SUPV3L1: variants seen among roughly 807,000 people sequenced by gnomAD.
The protein encoded by SUPV3L1 is ATP-dependent RNA helicase SUPV3L1, mitochondrial.
In SUPV3L1, 35 loss-of-function variants were observed where a neutral mutation model predicts 70.0. The ratio of observed to expected loss-of-function variants is 0.50; its 90% CI spans 0.38 to 0.66. The LOEUF (loss-of-function observed/expected upper bound fraction) is 0.66. Among genes scored for constraint, SUPV3L1 ranks in the 30% least tolerant of loss-of-function variants. The probability of loss-of-function intolerance (pLI) is 0.00; values close to 1 mark genes in which losing one functional copy is unlikely to be tolerated. For synonymous variants in SUPV3L1, 364 were observed against 341.9 expected, an observed-to-expected ratio of 1.06 and a Z score of -0.71; for missense variants, 777 against 961.5, an observed-to-expected ratio of 0.81 and a Z score of 2.54.
At chr10:69,203,245 G>C (rs1283866615) in intron 13 of SUPV3L1, among the ~76,000 whole-genome samples, 1 of 152,184 alleles carries the variant, frequency 6.6e-6, no homozygotes, top group Non-Finnish European at 1.5e-5. Context: ...TTACTGTCTT[G>C]TATGAGCACC....
chr10:69,195,631 T>C (rs1029702424), intron 7 of SUPV3L1, among the ~76,000 whole-genome samples: 1 of 152,236 alleles, frequency 6.6e-6, no homozygotes. Flanking sequence ...TTTTTCATTA[T>C]GTATTAATAT....
chr10:69,185,951 A>C, intron 1 of SUPV3L1, 36 bp from the exon 2 acceptor site: 1 of 1,517,808 alleles, frequency 6.6e-7, no homozygotes, highest in Non-Finnish European at 9.1e-7. Context: ...TTTATCTAAG[A>C]TAAGGAAACG....
chr10:69,190,775 G>A (rs997420811), intron 5 of SUPV3L1, among the ~76,000 whole-genome samples: 2 of 152,168 alleles, frequency 1.3e-5, no homozygotes, highest in Non-Finnish European at 2.9e-5. Flanking sequence ...GGTCAGTTGT[G>A]TTGTGAACTG....
rs754614807 is a variant in SUPV3L1, at chr10:69,180,536, C to T, written c.245C>T (p.Ala82Val). The T allele has an allele frequency of 1.2e-6, 2 of 1,614,158 alleles. No homozygotes were observed. Among genetic ancestry groups the T allele is most frequent in the Non-Finnish European group, 8.5e-7 (1 of 1,180,038 alleles). The change falls in exon 1 of 15, where the codon GCC becomes GTC. Residue 82 changes from alanine to valine, a missense_variant. Coordinates refer to ENST00000359655, the MANE Select transcript of SUPV3L1 (RefSeq NM_003171.5). ...QGPSADGDVG[A>V]ELTRPLDKNE... Reference sequence around the variant, plus strand: ...CCCAGCGCCGACGGCGACGTCGGGGCCGAGCTAACCCGGCCTCTGGACAAG... The same window carrying T: ...CCCAGCGCCGACGGCGACGTCGGGGTCGAGCTAACCCGGCCTCTGGACAAG...
intron 1 of SUPV3L1, among the ~76,000 whole-genome samples, chr10:69,181,890 G>A (rs546710657): frequency 6.6e-6 from 1 of 152,040 alleles, no homozygotes; most frequent in East Asian, 1.9e-4. Context: ...TCAAACCATA[G>A]CAGAGAATGT....
In SUPV3L1 at chr10:69,180,251, T is replaced by C. The variant is rs1463813157; in HGVS notation, c.-41T>C. On this transcript the variant is annotated 5_prime_UTR_variant, in exon 1 of 15. Transcript: ENST00000359655. ...AGGTGCGCGTCACTGTCCGCCGCCG[T>C]GTCCGCGGCTGCGCCAGACAGTGTA... 1 of 1,586,698 alleles carries C rather than the reference T, an allele frequency of 6.3e-7. No individual in the cohort carries two copies. Among genetic ancestry groups the C allele is most frequent in the East Asian group, 2.3e-5 (1 of 44,420 alleles).
chr10:69,208,238 A>G (rs1842886616), intron 14 of SUPV3L1, among the ~76,000 whole-genome samples: 1 of 152,240 alleles, frequency 6.6e-6, no homozygotes. Flanking sequence ...TGTTAGAACT[A>G]AGGAGTATCA....
Position 69,202,858 on chromosome 10 carries a change from TTC to T in SUPV3L1, c.1600-8_1600-7del. 1.2e-6 allele frequency: 2 copies of T among 1,608,760 alleles called. No homozygotes were observed. The highest frequency in any genetic ancestry group is 1.7e-6 in the Non-Finnish European group (2 of 1,177,036). ...GCAGTCCAGTAATTTCTGTCTTTTTTTCCCCAAGGATATTTTTGTAGACTTTT... is the reference window on the plus strand; with the variant it reads ...GCAGTCCAGTAATTTCTGTCTTTTTTCCCAAGGATATTTTTGTAGACTTTT... On this transcript the variant is annotated splice_polypyrimidine_tract_variant and splice_region_variant and intron_variant, in intron 12 of 14. Coordinates refer to ENST00000359655, the MANE Select transcript of SUPV3L1 (RefSeq NM_003171.5).
At position 69,180,336 on chromosome 10, in the gene SUPV3L1, G is replaced by A. The variant is rs774028616; in HGVS notation, c.45G>A (p.Gly15=). The A allele has an allele frequency of 6.2e-7, 1 of 1,614,016 alleles. No homozygotes were observed. The highest frequency in any genetic ancestry group is 1.1e-5 in the South Asian group (1 of 91,078). Residue 15 remains glycine (G), a synonymous_variant, in exon 1 of 15, where the codon GGG becomes GGA. Coordinates refer to ENST00000359655, the MANE Select transcript of SUPV3L1 (RefSeq NM_003171.5). ...TATTGTGGGCTCGGCTCCCGGCGGGGCGCCAGGCTGGCCACCGGGCAGCCA... is the reference window on the plus strand; with the variant it reads ...TATTGTGGGCTCGGCTCCCGGCGGGACGCCAGGCTGGCCACCGGGCAGCCA... ...RALLWARLPA[G]RQAGHRAAIC...
intron 8 of SUPV3L1, 21 bp downstream of exon 8, chr10:69,197,104 TTC>T (rs1328431612): frequency 1.9e-6 from 3 of 1,608,434 alleles, no homozygotes; most frequent in Middle Eastern, 1.7e-4. Flanking sequence ...AGATGCTTTG[TTC>T]TCCAGGTGGC....
Position 69,191,664 on chromosome 10 carries a change from T to A in SUPV3L1, c.751T>A (p.Cys251Ser), listed in dbSNP as rs1842401641. The change falls in exon 6 of 15, where the codon TGT becomes AGT. Residue 251 changes from cysteine to serine, a missense_variant. Cys to Ser is a moderately radical substitution (Grantham distance 112, BLOSUM62 -1). Around this residue, in one of 2 missense-constraint regions of SUPV3L1, gnomAD observed 619 missense variants for 823.3 expected, o/e 0.75. Transcript: ENST00000359655. ...FEKSNAAGVPCDLVTGEERVT... is the reference protein window; with the variant it reads ...FEKSNAAGVPSDLVTGEERVT... ...TTTTCTGTCTTTCTAGGGTGTGCCA[T>A]GTGACTTGGTGACAGGTGAAGAGCG... 1 of 1,613,810 alleles carries A rather than the reference T, an allele frequency of 6.2e-7. No homozygotes were observed. The highest frequency in any genetic ancestry group is 1.7e-5 in the Admixed American group (1 of 59,976).
chr10:69,180,984 G>C (rs1353042716), intron 1 of SUPV3L1, among the ~76,000 whole-genome samples: 3 of 152,124 alleles, frequency 2.0e-5, no homozygotes, highest in South Asian at 4.1e-4. Context: ...CTCATACCAC[G>C]CTGTTAGGCT....
chr10:69,202,508 T>C lies in SUPV3L1; in HGVS notation c.1588T>C (p.Ser530Pro), dbSNP rs111423482. 1 of 1,612,472 alleles carries C rather than the reference T, an allele frequency of 6.2e-7. No homozygotes were observed. ...FAYHLPDATL[S>P]NLIDIFVDFS... The stretch of plus-strand genomic sequence containing the variant: ...CTACCATCTCCCTGATGCAACACTG[T>C]CCAATCTCATTGTAAGTGGAAACTC... The change falls in exon 12 of 15, where the codon TCC becomes CCC. Residue 530 changes from serine to proline, a missense_variant. This residue lies in a region of SUPV3L1 where 619 missense variants were observed against 823.3 expected (regional missense o/e 0.75). Coordinates refer to ENST00000359655, the MANE Select transcript of SUPV3L1 (RefSeq NM_003171.5).
chr10:69,208,860 G>A lies in SUPV3L1; in HGVS notation c.2186G>A (p.Gly729Glu). 1 of 1,614,114 alleles carries A rather than the reference G, an allele frequency of 6.2e-7. No individual in the cohort carries two copies. The highest frequency in any genetic ancestry group is 1.1e-5 in the South Asian group (1 of 91,084). ...ACTGAGCCACCCAGCCCCGATGCAG[G>A]AGAGCTGTCCCTTGCTTCCAGATTG... ...KATEPPSPDAGELSLASRLVQ... is the reference protein window; with the variant it reads ...KATEPPSPDAEELSLASRLVQ... Residue 729 changes from glycine (G) to glutamate (E), a missense_variant, in exon 15 of 15, where the codon GGA becomes GAA. Gly to Glu is a moderately conservative substitution (Grantham distance 98). Transcript: ENST00000359655.
In SUPV3L1 at chr10:69,203,177, G is replaced by A; in HGVS notation, c.1776+134G>A. 5 of 890,814 alleles carry A rather than the reference G, an allele frequency of 5.6e-6. No homozygotes were observed. The East Asian group carries it at 1.1e-4, about 19-fold the overall frequency. 55.2% of individuals were successfully genotyped at this position (890,814 alleles called of 1,614,324 possible). A position where few individuals can be genotyped will look rare whatever the true frequency, so the allele number is the denominator to read the frequency against. ...GAGAGACTTTGTAAAAACTTAAATA[G>A]GGGTTAATAGTAGCAACAGTGTTCA... On this transcript the variant is annotated intron_variant, in intron 13 of 14. Transcript: ENST00000359655.
chr10:69,201,446 A>C (rs1305894836), intron 11 of SUPV3L1, among the ~76,000 whole-genome samples: 1 of 152,034 alleles, frequency 6.6e-6, no homozygotes, highest in Non-Finnish European at 1.5e-5. Context: ...GCCTTGGTTA[A>C]AGTGACTGGG....
At chr10:69,202,170 A>G (rs1398042714) in intron 11 of SUPV3L1, among the ~76,000 whole-genome samples, 2 of 152,206 alleles carry the variant, frequency 1.3e-5, no homozygotes, top group Non-Finnish European at 2.9e-5. Flanking sequence ...CTGCCAGATC[A>G]TCATAGGTTT....
At chr10:69,187,550 G>A (rs778424058) in intron 3 of SUPV3L1, 92 bp from the exon 4 acceptor site, 90 of 878,022 alleles carry the variant, frequency 1.0e-4, no homozygotes, top group Non-Finnish European at 1.3e-4. Context: ...CAGTGCCCCC[G>A]CAACTTAGCT....
At position 69,197,015 on chromosome 10, in the gene SUPV3L1, T is replaced by C; in HGVS notation, c.955T>C (p.Leu319=). The change falls in exon 8 of 15, where the codon TTG becomes CTG. Residue 319 remains leucine (L), a synonymous_variant. Transcript: ENST00000359655. ...AGGACTGTGTGCTGAAGAGGTTCAT[T>C]TGTGTGGAGAACCTGCTGCTATTGA... is the stretch of plus-strand genomic sequence containing the variant. The part of the protein sequence containing the change: ...LLGLCAEEVH[L]CGEPAAIDLV... 6.2e-7 allele frequency: 1 copy of C among 1,614,104 alleles called. No individual in the cohort carries two copies. The highest frequency in any genetic ancestry group is 8.5e-7 in the Non-Finnish European group (1 of 1,179,986).
Sources: gnomAD v4.1 joint callset for allele counts (sites outside exome capture counted in the v4.1 genomes callset) on GRCh38, gnomAD v4.1.1 for gene constraint, gnomAD v4.1.1 regional missense constraint, MANE v1.5 for transcripts, NCBI Gene and HGNC (gene_info 2026-07-23, HGNC 2026-07-21) for gene names.